SOX5: variants seen among roughly 807,000 people sequenced by gnomAD.
The protein encoded by SOX5 is transcription factor SOX-5.
SOX5 carries 9 observed loss-of-function variants against 92.0 expected under a neutral mutation model. The ratio of observed to expected loss-of-function variants is 0.10; its 90% CI spans 0.06 to 0.17. SOX5 has a LOEUF of 0.17. Among genes scored for constraint, SOX5 ranks in the 10% least tolerant of loss-of-function variants. SOX5 has a pLI of 1.00. For synonymous variants in SOX5, 344 were observed against 336.3 expected (o/e 1.02, Z -0.25); for missense variants, 642 against 944.5 (o/e 0.68, Z 4.20).
At chr12:24,131,845 T>C (rs1186108297) in intron 4 of SOX5, among the ~76,000 whole-genome samples, 1 of 152,154 alleles carries the variant, frequency 6.6e-6, no homozygotes, top group African/African-American at 2.4e-5. Context: ...ACAAGTATTT[T>C]TAGACTTCAC....
At chr12:24,147,467 C>A (rs1951202153) in intron 4 of SOX5, among the ~76,000 whole-genome samples, 1 of 152,164 alleles carries the variant, frequency 6.6e-6, no homozygotes, top group South Asian at 2.1e-4. Flanking sequence ...TTACAGGTAG[C>A]ACACTACTTA....
At chr12:24,119,090 G>A (rs557012020) in intron 4 of SOX5, among the ~76,000 whole-genome samples, 1 of 151,908 alleles carries the variant, frequency 6.6e-6, no homozygotes. Context: ...CTGACTTTAT[G>A]ATTCAAATTT....
intron 3 of SOX5, among the ~76,000 whole-genome samples, chr12:24,229,315 T>A (rs983761344): frequency 3.7e-4 from 56 of 152,240 alleles, no homozygotes; most frequent in African/African-American, 1.3e-3. Flanking sequence ...TGATTCTCAT[T>A]GCCAAGTGTC....
rs758866697 is a variant in SOX5, at chr12:23,957,487, AG to A, written c.-1-61464del. On this transcript the variant is annotated intron_variant, in intron 4 of 4. Transcript: ENST00000446891. ...TGTGTGATGGAACTGTGATTGGCGT[AG>A]GGGGGAATAAATACAAGGGTTGTTG... 1.2e-4 allele frequency among the ~76,000 whole-genome samples: 19 copies of A among 152,298 alleles called. 1 individual carries two copies. The East Asian group carries it at 1.7e-3, about 14-fold the overall frequency.
At chr12:24,161,650 A>G (rs757217949) in intron 4 of SOX5, among the ~76,000 whole-genome samples, 35 of 152,284 alleles carry the variant, frequency 2.3e-4, no homozygotes, top group Middle Eastern at 3.4e-3. Flanking sequence ...GAGGAAAAGC[A>G]GAGTGACTAC....
rs983718369 is a variant in SOX5 at position 23,532,210 on chromosome 12, A to T, written c.*2009T>A. 6.6e-6 allele frequency: 1 copy of T among 152,042 alleles called. No homozygotes were observed. 9.4% of individuals were successfully genotyped at this position (152,042 alleles called of 1,614,324 possible). A position where few individuals can be genotyped will look rare whatever the true frequency, so the allele number is the denominator to read the frequency against. On this transcript the variant is annotated 3_prime_UTR_variant, in exon 15 of 15. Transcript: ENST00000451604. ...TCATCAAAAACAAACAAACAGAAAA[A>T]CAAACAAAATGAAATCTCTGACATG... is the stretch of plus-strand genomic sequence containing the variant.
rs1950757359 is a variant in SOX5, at chr12:24,526,849, A to C, written c.-251+35480T>G. Among the ~76,000 whole-genome samples the C allele has an allele frequency of 2.6e-5, 4 of 151,068 alleles. No individual in the cohort carries two copies. In the South Asian group the frequency reaches 8.4e-4, roughly 32 times the overall value. ...TTTTTTTTTCTTAAGACAGGGTCTCACTCTGTTGCCTAGACTGGAGTGCAG... is the reference window on the plus strand; with the variant it reads ...TTTTTTTTTCTTAAGACAGGGTCTCCCTCTGTTGCCTAGACTGGAGTGCAG... On this transcript the variant is annotated intron_variant, in intron 1 of 4. Transcript: ENST00000446891.
chr12:23,669,672 A>C (rs981684493), intron 6 of SOX5, among the ~76,000 whole-genome samples: 1 of 151,580 alleles, frequency 6.6e-6, no homozygotes, highest in Non-Finnish European at 1.5e-5. Context: ...GAAATATTTA[A>C]GAAAAAAAAT....
upstream of SOX5, chr12:23,950,950 G>A (rs966550080): frequency 1.6e-5 from 21 of 1,322,138 alleles, no homozygotes; most frequent in Non-Finnish European, 2.0e-5. Flanking sequence ...ACCAACAGGA[G>A]ATAGTGTGCA....
intron 1 of SOX5, among the ~76,000 whole-genome samples, chr12:24,545,262 A>G (rs1952514613): frequency 6.6e-6 from 1 of 152,216 alleles, no homozygotes; most frequent in South Asian, 2.1e-4. Context: ...CTCCAAAGCC[A>G]GAAATTCAAG....
intron 2 of SOX5, among the ~76,000 whole-genome samples, chr12:24,361,910 G>A (rs922462685): frequency 1.3e-5 from 2 of 152,208 alleles, no homozygotes; most frequent in Non-Finnish European, 2.9e-5. Context: ...TACTCCAAGA[G>A]TCCAGAGCTA....
At chr12:24,479,225 T>C (rs1945712897) in intron 1 of SOX5, among the ~76,000 whole-genome samples, 1 of 152,130 alleles carries the variant, frequency 6.6e-6, no homozygotes, top group Admixed American at 6.5e-5. Context: ...CCCTGGTAAC[T>C]CCGACCACTC....
At chr12:24,176,166 A>T (rs1028097695) in intron 4 of SOX5, among the ~76,000 whole-genome samples, 32 of 152,208 alleles carry the variant, frequency 2.1e-4, no homozygotes, top group African/African-American at 7.5e-4. Flanking sequence ...TCCCATCTCT[A>T]CAAAAACTAT....
At position 23,590,441 on chromosome 12, in the gene SOX5, T is replaced by G. The variant is rs559129653; in HGVS notation, c.1164+13946A>C. On this transcript the variant is annotated intron_variant, in intron 9 of 14. Coordinates refer to ENST00000451604, the MANE Select transcript of SOX5 (RefSeq NM_006940.6). ...AGATAAAATCCAACCTTTTATTCAT[T>G]CATACCTATGTGTCCTTGCACAGAC... Among the ~76,000 whole-genome samples, 57 of 152,106 alleles carry G rather than the reference T, an allele frequency of 3.7e-4. 1 individual carries two copies. The highest frequency in any genetic ancestry group is 1.4e-3 in the African/African-American group (57 of 41,550).
chr12:23,554,341 A>C (rs1029812683), intron 11 of SOX5, among the ~76,000 whole-genome samples: 4 of 152,122 alleles, frequency 2.6e-5, no homozygotes, highest in Admixed American at 2.6e-4. Context: ...GTGATTGCTT[A>C]AACAAAATTT....
chr12:24,237,773 A>C (rs953472723), intron 3 of SOX5: 1 of 152,216 alleles, frequency 6.6e-6, no homozygotes, highest in African/African-American at 2.4e-5. Context: ...AGCCTATGGA[A>C]GTAATTATGG....
At chr12:23,860,220 C>G (rs1473269862) in intron 2 of SOX5, among the ~76,000 whole-genome samples, 2 of 151,252 alleles carry the variant, frequency 1.3e-5, no homozygotes, top group Non-Finnish European at 2.9e-5. Flanking sequence ...CTGGGTGATG[C>G]AATAATATGT....
At chr12:24,531,623 C>T (rs765662012) in intron 1 of SOX5, among the ~76,000 whole-genome samples, 11 of 152,144 alleles carry the variant, frequency 7.2e-5, no homozygotes, top group Non-Finnish European at 1.5e-4. Context: ...GCTACTAGTG[C>T]TTAAAATACT....
intron 1 of SOX5, among the ~76,000 whole-genome samples, chr12:24,531,135 A>C (rs558827779): frequency 6.6e-6 from 1 of 152,312 alleles, no homozygotes; most frequent in Non-Finnish European, 1.5e-5. Context: ...TGAAGAGCCA[A>C]AAAATAAACT....
Sources: gnomAD v4.1 joint callset for allele counts (sites outside exome capture counted in the v4.1 genomes callset) on GRCh38, gnomAD v4.1.1 for gene constraint, MANE v1.5 for transcripts, NCBI Gene and HGNC (gene_info 2026-07-23, HGNC 2026-07-21) for gene names.